The following PKD1L1 variants were observed in gnomAD, a reference collection of about 807,000 sequenced individuals.
PKD1L1 encodes polycystin 1 like 1, transient receptor potential channel interacting, also known as polycystin-1-like protein 1.
Under a neutral mutation model 323.4 loss-of-function variants are expected in PKD1L1, and 236 were observed. That is an observed-to-expected ratio of 0.73 (90% CI 0.66 to 0.81). The LOEUF (loss-of-function observed/expected upper bound fraction) is 0.81, where lower values mean the gene tolerates loss of function less well. Among genes scored for constraint, PKD1L1 ranks in the 40% least tolerant of loss-of-function variants. PKD1L1 has a pLI of 0.00. For missense variants in PKD1L1, 3,320 were observed against 3,508.0 expected (o/e 0.95, Z 1.35); for synonymous variants, 1,344 against 1,335.0 (o/e 1.01, Z -0.15).
intron 20 of PKD1L1, among the ~76,000 whole-genome samples, chr7:47,881,480 AG>A (rs766311754): frequency 9.2e-5 from 14 of 152,198 alleles, no homozygotes; most frequent in Non-Finnish European, 1.8e-4. Flanking sequence ...TTAACACGAA[AG>A]GGGGAAATAC....
rs556706910 is a variant in PKD1L1 at position 47,853,509 on chromosome 7, G to A, written c.4860-282C>T. 4.2e-4 allele frequency among the ~76,000 whole-genome samples: 64 copies of A among 152,190 alleles called. 1 individual carries two copies. The South Asian group carries it at 9.8e-3, about 23-fold the overall frequency. ...TGTAATCCCAGCACTTTGGGAGGCC[G>A]AGATGGGCGGACCACCTGAGGTTGG... On this transcript the variant is annotated intron_variant, in intron 30 of 56. Coordinates refer to ENST00000289672, the MANE Select transcript of PKD1L1 (RefSeq NM_138295.5).
chr7:47,834,257 A>G, intron 40 of PKD1L1, 82 bp downstream of exon 40: 2 of 1,410,300 alleles, frequency 1.4e-6, no homozygotes, highest in Non-Finnish European at 2.0e-6. Flanking sequence ...GCCAGACCAT[A>G]GCCAAGGGAG....
chr7:47,792,220 AT>A (rs1313250160), intron 56 of PKD1L1, among the ~76,000 whole-genome samples: 1 of 152,144 alleles, frequency 6.6e-6, no homozygotes, highest in Non-Finnish European at 1.5e-5. Flanking sequence ...GCTCTTGGAA[AT>A]GGTAGCATCC....
chr7:47,930,835 C>G (rs1344951713), intron 6 of PKD1L1, among the ~76,000 whole-genome samples: 2 of 152,044 alleles, frequency 1.3e-5, no homozygotes, highest in Non-Finnish European at 2.9e-5. Context: ...AAACAAACAA[C>G]AACAACAAAA....
intron 43 of PKD1L1, among the ~76,000 whole-genome samples, 156 bp downstream of exon 43, chr7:47,829,884 C>T (rs1785309539): frequency 6.6e-6 from 1 of 152,248 alleles, no homozygotes; most frequent in Non-Finnish European, 1.5e-5. Context: ...CCATGTGCAG[C>T]TTAGCACAGA....
At chr7:47,825,405 C>T (rs1329712435) in intron 45 of PKD1L1, among the ~76,000 whole-genome samples, 1 of 151,934 alleles carries the variant, frequency 6.6e-6, no homozygotes, top group Non-Finnish European at 1.5e-5. Context: ...GTGGCACATG[C>T]CTGCAATCTC....
At chr7:47,796,608 A>G (rs945201377) in intron 54 of PKD1L1, among the ~76,000 whole-genome samples, 2 of 152,112 alleles carry the variant, frequency 1.3e-5, no homozygotes, top group Non-Finnish European at 2.9e-5. Flanking sequence ...CAGGTGGTTT[A>G]TTTCTTCACT....
intron 25 of PKD1L1, 60 bp from the exon 26 acceptor site, chr7:47,865,332 G>T: frequency 6.8e-7 from 1 of 1,465,186 alleles, no homozygotes; most frequent in South Asian, 1.2e-5. Flanking sequence ...AAATTAGCTT[G>T]TTTGGGTTAA....
intron 25 of PKD1L1, 120 bp from the exon 26 acceptor site, chr7:47,865,392 C>T (rs1403508374): frequency 2.4e-6 from 2 of 833,982 alleles, no homozygotes; most frequent in South Asian, 1.7e-5. Flanking sequence ...GCTTTTTGGC[C>T]AAAAGACCAA....
the PKD1L1 span, among the ~76,000 whole-genome samples, chr7:47,960,375 A>C: frequency 2.6e-3 from 163 of 61,760 alleles, no homozygotes; most frequent in African/African-American, 9.7e-3. Context: ...ATAAAAAAAA[A>C]TTAAAAAAAA....
At chr7:47,959,635 C>T in the PKD1L1 span, among the ~76,000 whole-genome samples, 1 of 118,762 alleles carries the variant, frequency 8.4e-6, no homozygotes, top group Non-Finnish European at 2.0e-5. Flanking sequence ...GCAGCCACCC[C>T]ATCCGGGAGG....
chr7:47,820,839 T>G, intron 46 of PKD1L1, among the ~76,000 whole-genome samples: 1 of 152,202 alleles, frequency 6.6e-6, no homozygotes, highest in East Asian at 1.9e-4. Context: ...TGCAAGACCC[T>G]GTTTTGGCAC....
At position 47,884,610 on chromosome 7, in the gene PKD1L1, C is replaced by A; in HGVS notation, c.3253G>T (p.Gly1085Ter). Residue 1085 changes from glycine (G) to a stop codon, truncating the protein, a stop_gained, in exon 19 of 57, where the codon GGA (glycine) becomes TGA (stop). Transcript: ENST00000289672. LOFTEE classifies it high-confidence loss of function. Reference protein sequence around the residue: ...SDIQEAIPSGGRQPAKDTSFP... With the variant: ...SDIQEAIPSG ...GAAGCACAGTCACCTGGCTGTCTTC[C>A]TCCCGATGGTATTGCTTCTTGAATG... 1 of 1,613,938 alleles carries A rather than the reference C, an allele frequency of 6.2e-7. No individual in the cohort carries two copies. The highest frequency in any genetic ancestry group is 8.5e-7 in the Non-Finnish European group (1 of 1,179,864).
At chr7:47,955,788 A>G in the PKD1L1 span, among the ~76,000 whole-genome samples, 1 of 152,172 alleles carries the variant, frequency 6.6e-6, no homozygotes, top group African/African-American at 2.4e-5. Flanking sequence ...ACTAAACTAG[A>G]CTCCAGGAAA....
rs1032338160 is a variant in PKD1L1 at position 47,936,939 on chromosome 7, C to G, written c.305G>C (p.Ser102Thr). The change falls in exon 4 of 57, where the codon AGT becomes ACT. Residue 102 changes from serine to threonine, a missense_variant. Transcript: ENST00000289672. The stretch of plus-strand genomic sequence containing the variant: ...ATTAACAACACTTAACGCTGCTTCA[C>G]TAGTTGTTTTCCAAATGTTCTGTAA... ...SRQKNIWKTT[S>T]EAALSVVNEK... The G allele has an allele frequency of 1.9e-6, 3 of 1,610,504 alleles. No individual in the cohort carries two copies. Among genetic ancestry groups the G allele is most frequent in the Middle Eastern group, 1.7e-4 (1 of 6,050 alleles).
chr7:47,960,841 C>T, the PKD1L1 span, among the ~76,000 whole-genome samples: 1 of 151,016 alleles, frequency 6.6e-6, no homozygotes, highest in Non-Finnish European at 1.5e-5. Flanking sequence ...ACCTCAGTCA[C>T]CTCATACCAG....
At chr7:47,897,836 C>G (rs1195228841) in intron 14 of PKD1L1, 152 bp downstream of exon 14, 1 of 625,958 alleles carries the variant, frequency 1.6e-6, no homozygotes, top group Non-Finnish European at 2.7e-6. Context: ...AAACATTTCT[C>G]TTAAAATCCA....
At chr7:47,801,393 G>A (rs1168863441) in intron 53 of PKD1L1, among the ~76,000 whole-genome samples, 2 of 152,188 alleles carry the variant, frequency 1.3e-5, no homozygotes, top group East Asian at 3.9e-4. Flanking sequence ...CTGGGAACTT[G>A]GCCTGGGATC....
rs13247756 is a variant in PKD1L1, at chr7:47,852,845, A to C, written c.4960+282T>G. Reference sequence around the variant, plus strand: ...CAGGCAAAGACTTAGCCTGAGCACAAGCAGAGCCCTAAGGATCAGGAGGAG... The same window carrying C: ...CAGGCAAAGACTTAGCCTGAGCACACGCAGAGCCCTAAGGATCAGGAGGAG... On this transcript the variant is annotated intron_variant, in intron 31 of 56. Coordinates refer to ENST00000289672, the MANE Select transcript of PKD1L1 (RefSeq NM_138295.5). 0.19 allele frequency among the ~76,000 whole-genome samples: 28,186 copies of C among 151,964 alleles called. 3,655 individuals are homozygous for C. Among genetic ancestry groups the C allele is most frequent in the African/African-American group, 0.36 (15,089 of 41,362 alleles).
Sources: gnomAD v4.1 joint callset for allele counts (sites outside exome capture counted in the v4.1 genomes callset) on GRCh38, gnomAD v4.1.1 for gene constraint, MANE v1.5 for transcripts, NCBI Gene and HGNC (gene_info 2026-07-23, HGNC 2026-07-21) for gene names.